PEAK1: variants seen among roughly 807,000 people sequenced by gnomAD.
PEAK1 encodes the protein inactive tyrosine-protein kinase PEAK1.
In PEAK1, 54 loss-of-function variants were observed where a neutral mutation model predicts 124.7. The observed-to-expected ratio is 0.43, with a 90% CI of 0.35 to 0.54. The LOEUF (loss-of-function observed/expected upper bound fraction) is 0.54. Among genes scored for constraint, PEAK1 ranks in the 20% least tolerant of loss-of-function variants. The pLI, the probability that PEAK1 is intolerant of heterozygous loss-of-function variation, is 0.01. For synonymous variants in PEAK1, 719 were observed against 760.0 expected, an observed-to-expected ratio of 0.95 and a Z score of 0.89; for missense variants, 2,046 against 2,134.5, an observed-to-expected ratio of 0.96 and a Z score of 0.82.
intron 6 of PEAK1, among the ~76,000 whole-genome samples, chr15:77,229,716 C>T (rs1470779325): frequency 2.0e-5 from 3 of 150,452 alleles, no homozygotes; most frequent in East Asian, 3.9e-4. Context: ...GGCACAATCT[C>T]GGCTCAAAGC....
intron 2 of PEAK1, among the ~76,000 whole-genome samples, chr15:77,356,485 T>C (rs2141501218): frequency 6.6e-6 from 1 of 152,326 alleles, no homozygotes; most frequent in Non-Finnish European, 1.5e-5. Flanking sequence ...TTCATTACCC[T>C]ATGACCCAGC....
At chr15:77,141,124 T>C (rs1023461818) in intron 8 of PEAK1, among the ~76,000 whole-genome samples, 1 of 152,160 alleles carries the variant, frequency 6.6e-6, no homozygotes, top group Admixed American at 6.6e-5. Context: ...GATAATATAA[T>C]CGTGTATATT....
chr15:77,351,079 A>G (rs1181602909), intron 2 of PEAK1: 1 of 294,670 alleles, frequency 3.4e-6, no homozygotes, highest in African/African-American at 2.3e-5. Flanking sequence ...GCTTACAGAC[A>G]TGCAAACATT....
intron 2 of PEAK1, among the ~76,000 whole-genome samples, chr15:77,330,353 T>A (rs918184570): frequency 1.3e-5 from 2 of 152,166 alleles, no homozygotes; most frequent in Admixed American, 6.6e-5. Context: ...CATGATTCCA[T>A]AACAGCTCCT....
chr15:77,193,825 ACT>A (rs1368289569), intron 6 of PEAK1, among the ~76,000 whole-genome samples: 65 of 151,410 alleles, frequency 4.3e-4, no homozygotes, highest in Non-Finnish European at 8.0e-4. Context: ...ACTAAACTAA[ACT>A]AAACTAAACT....
chr15:77,192,320 C>G (rs765738733), intron 6 of PEAK1, among the ~76,000 whole-genome samples: 6 of 152,074 alleles, frequency 3.9e-5, no homozygotes, highest in Non-Finnish European at 8.8e-5. Flanking sequence ...AGTGATGAGG[C>G]CAGTGATGGA....
In PEAK1 at chr15:77,179,653, G is replaced by C; in HGVS notation, c.2274C>G (p.Ser758Arg). The change falls in exon 7 of 10, where the codon AGC (serine) becomes AGG (arginine). Residue 758 changes from serine (S) to arginine (R), a missense_variant. Transcript: ENST00000682557. ...GCACTGTGCTTGCTTTCTCTCTGGT[G>C]CTGCTGCTGCCCACCATCTGAGACT... ...TQESQMVGSS[S>R]TREKASTVLS... is the part of the protein sequence containing the mutation. 1 of 1,614,102 alleles carries C rather than the reference G, an allele frequency of 6.2e-7. No individual in the cohort carries two copies. The highest frequency in any genetic ancestry group is 2.2e-5 in the East Asian group (1 of 44,884).
At chr15:77,136,201 CAA>C (rs1472793343) in intron 8 of PEAK1, among the ~76,000 whole-genome samples, 1 of 152,112 alleles carries the variant, frequency 6.6e-6, no homozygotes, top group African/African-American at 2.4e-5. Context: ...TATGTTTTAG[CAA>C]AGAGACTGGA....
chr15:77,180,185 T>C lies in PEAK1; in HGVS notation c.1742A>G (p.Lys581Arg). Residue 581 changes from lysine to arginine, a missense_variant, in exon 7 of 10, where the codon AAA (lysine) becomes AGA (arginine). Lys to Arg is a conservative substitution (Grantham distance 26). Coordinates refer to ENST00000682557, the MANE Select transcript of PEAK1 (RefSeq NM_001385026.1). ...ATTAGGTGACTTAACAGGGATGGTT[T>C]TGGAGGAAATGTTTGTAGCTGTGGG... Reference protein sequence around the residue: ...TSPTATNISSKTIPVKSPNLS... With the variant: ...TSPTATNISSRTIPVKSPNLS... 6.2e-7 allele frequency: 1 copy of C among 1,614,132 alleles called. No individual in the cohort carries two copies. The highest frequency in any genetic ancestry group is 8.5e-7 in the Non-Finnish European group (1 of 1,179,990).
chr15:77,283,444 A>T (rs1285697485), intron 5 of PEAK1, among the ~76,000 whole-genome samples: 1 of 152,180 alleles, frequency 6.6e-6, no homozygotes, highest in Non-Finnish European at 1.5e-5. Flanking sequence ...TTTTAAAGGA[A>T]AGACAATTTA....
chr15:77,192,608 A>G (rs1039044784), intron 6 of PEAK1, among the ~76,000 whole-genome samples: 34 of 152,316 alleles, frequency 2.2e-4, no homozygotes, highest in African/African-American at 7.9e-4. Flanking sequence ...AACACCTCCC[A>G]GTGGAAAGTG....
chr15:77,255,792 A>C (rs576245357), intron 5 of PEAK1, among the ~76,000 whole-genome samples: 7 of 152,362 alleles, frequency 4.6e-5, no homozygotes, highest in African/African-American at 1.7e-4. Context: ...ATAGTAGGGC[A>C]TATATTTCAA....
chr15:77,310,273 G>A (rs1475546698), intron 2 of PEAK1, among the ~76,000 whole-genome samples: 2 of 152,146 alleles, frequency 1.3e-5, no homozygotes, highest in African/African-American at 4.8e-5. Context: ...TGAACTAATA[G>A]GTTTAAGTCT....
chr15:77,420,634 A>AAAC (rs1379083486), upstream of PEAK1: 9 of 379,916 alleles, frequency 2.4e-5, no homozygotes, highest in African/African-American at 1.7e-4. Context: ...TAAAAAAAAA[A>AAAC]AAACTACATC....
At chr15:77,128,093 A>G (rs2052546727) in intron 9 of PEAK1, among the ~76,000 whole-genome samples, 1 of 152,046 alleles carries the variant, frequency 6.6e-6, no homozygotes, top group African/African-American at 2.4e-5. Context: ...AAAAAAAAAA[A>G]AAAGGGAAAG....
intron 6 of PEAK1, among the ~76,000 whole-genome samples, chr15:77,250,167 ATATATATG>A (rs1483089829): frequency 3.5e-5 from 5 of 141,526 alleles, no homozygotes; most frequent in Admixed American, 7.2e-5. Context: ...ATATATATAC[ATATATATG>A]TATATGTATA....
At position 77,133,374 on chromosome 15, in the gene PEAK1, G is replaced by A; in HGVS notation, c.3708C>T (p.Ser1236=). The A allele has an allele frequency of 1.2e-6, 2 of 1,614,210 alleles. No homozygotes were observed. Among genetic ancestry groups the A allele is most frequent in the Non-Finnish European group, 1.7e-6 (2 of 1,180,026 alleles). Reference sequence around the variant, plus strand: ...CCTTAATACTGAGAGTGGTTAAGCTGGAAATGCTGTTTGCTGCTGAGGGGA... The same window carrying A: ...CCTTAATACTGAGAGTGGTTAAGCTAGAAATGCTGTTTGCTGCTGAGGGGA... The part of the protein sequence containing the change: ...RPVPSAANSI[S]SLTTLSIKDR... Residue 1236 remains serine, a synonymous_variant, in exon 9 of 10, where the codon TCC becomes TCT. Transcript: ENST00000682557. The surrounding 1 kb of genome is among the most constrained non-coding windows in gnomAD (Gnocchi z 4.2).
chr15:77,165,474 G>A (rs2152798958), intron 7 of PEAK1, among the ~76,000 whole-genome samples: 1 of 152,340 alleles, frequency 6.6e-6, no homozygotes, highest in Admixed American at 6.5e-5. Context: ...TTGGACTACA[G>A]GAGTGAGCCA....
intron 6 of PEAK1, among the ~76,000 whole-genome samples, chr15:77,210,380 T>C (rs1271323115): frequency 6.6e-6 from 1 of 152,226 alleles, no homozygotes; most frequent in Non-Finnish European, 1.5e-5. Context: ...AATATATATG[T>C]AATTCATTTG....
Sources: allele counts gnomAD v4.1 joint callset (sites outside exome capture counted in the v4.1 genomes callset), GRCh38; gene constraint gnomAD v4.1.1; non-coding constraint Gnocchi (gnomAD v3.1); transcripts MANE v1.5; gene names NCBI Gene and HGNC (gene_info 2026-07-23, HGNC 2026-07-21).